Variants in KCNT2 observed in about 807,000 individuals in gnomAD.
KCNT2 encodes potassium channel subfamily T member 2.
In KCNT2, 67 loss-of-function variants were observed where a neutral mutation model predicts 153.8. The ratio of observed to expected loss-of-function variants is 0.44; its 90% CI spans 0.36 to 0.53. The LOEUF is 0.53. KCNT2 is among the 20% of genes least tolerant of loss of function. The pLI, the probability that KCNT2 is intolerant of heterozygous loss-of-function variation, is 0.00. For missense variants in KCNT2, 975 were observed against 1,354.8 expected (o/e 0.72, Z 4.40); for synonymous variants, 500 against 458.8 (o/e 1.09, Z -1.15).
At chr1:196,421,257 G>T (rs1326926582) in intron 12 of KCNT2, among the ~76,000 whole-genome samples, 1 of 151,944 alleles carries the variant, frequency 6.6e-6, no homozygotes, top group Admixed American at 6.6e-5. Context: ...AAAAAAAAGA[G>T]AATGCATTTG....
At chr1:196,417,077 A>G (rs1180057011) in intron 12 of KCNT2, among the ~76,000 whole-genome samples, 3 of 152,106 alleles carry the variant, frequency 2.0e-5, no homozygotes, top group Non-Finnish European at 1.5e-5. Flanking sequence ...ATACCCACAG[A>G]AATTTTTTTT....
chr1:196,587,197 G>T (rs1662792177), intron 1 of KCNT2, among the ~76,000 whole-genome samples: 1 of 151,936 alleles, frequency 6.6e-6, no homozygotes, highest in African/African-American at 2.4e-5. Flanking sequence ...GACTTCTAAA[G>T]ACTAAGAAGG....
intron 16 of KCNT2, among the ~76,000 whole-genome samples, chr1:196,336,364 T>G (rs1192665003): frequency 2.0e-5 from 3 of 152,148 alleles, no homozygotes; most frequent in African/African-American, 7.2e-5. Flanking sequence ...GCTCTTTCCC[T>G]CTTGATTTTC....
chr1:196,349,675 ATTTTATTTTTTTATTATTTTTTATTC>A (rs1666459376), intron 14 of KCNT2, among the ~76,000 whole-genome samples: 1 of 151,224 alleles, frequency 6.6e-6, no homozygotes, highest in Admixed American at 6.6e-5. Context: ...AAACCTTTTT[ATTTTATTTTTTTATTATTTTTTATTC>A]TTTTATTTTT....
intron 13 of KCNT2, among the ~76,000 whole-genome samples, chr1:196,374,142 T>A (rs372178852): frequency 1.3e-5 from 2 of 151,940 alleles, no homozygotes; most frequent in Non-Finnish European, 1.5e-5. Flanking sequence ...GTATAGCTGG[T>A]ATTAAAAATA....
chr1:196,420,759 T>C (rs1039201474), intron 12 of KCNT2, among the ~76,000 whole-genome samples: 7 of 152,036 alleles, frequency 4.6e-5, no homozygotes, highest in African/African-American at 1.7e-4. Context: ...GGGAAAATCA[T>C]ATCACGTTCA....
At chr1:196,281,242 T>C (rs1321813491) in intron 24 of KCNT2, among the ~76,000 whole-genome samples, 1 of 152,232 alleles carries the variant, frequency 6.6e-6, no homozygotes, top group Non-Finnish European at 1.5e-5. Flanking sequence ...CTTATCCATG[T>C]ATTAAATTTA....
intron 1 of KCNT2, among the ~76,000 whole-genome samples, chr1:196,591,614 G>A (rs1663374466): frequency 6.6e-6 from 1 of 152,152 alleles, no homozygotes; most frequent in Non-Finnish European, 1.5e-5. Context: ...TGCTCTCATA[G>A]TACAATCCTT....
At chr1:196,359,461 T>C (rs1667444966) in intron 14 of KCNT2, among the ~76,000 whole-genome samples, 1 of 152,038 alleles carries the variant, frequency 6.6e-6, no homozygotes, top group Non-Finnish European at 1.5e-5. Flanking sequence ...CATAAACTAC[T>C]TGGAACCAGG....
intron 21 of KCNT2, among the ~76,000 whole-genome samples, chr1:196,305,908 A>G (rs1279738833): frequency 6.6e-6 from 1 of 152,106 alleles, no homozygotes; most frequent in Non-Finnish European, 1.5e-5. Flanking sequence ...GTGTTCCCCA[A>G]AAGTATCCTG....
chr1:196,419,750 C>T (rs1190623211), intron 12 of KCNT2, among the ~76,000 whole-genome samples: 1 of 152,138 alleles, frequency 6.6e-6, no homozygotes, highest in East Asian at 2.0e-4. Context: ...CATCTGAAGA[C>T]ATTCCAATTT....
intron 27 of KCNT2, among the ~76,000 whole-genome samples, chr1:196,235,214 G>A (rs1654323243): frequency 6.6e-6 from 1 of 151,280 alleles, no homozygotes; most frequent in South Asian, 2.1e-4. Context: ...AACACTTTAT[G>A]CAATTCCTGC....
chr1:196,253,054 T>C (rs1328648863), intron 26 of KCNT2, among the ~76,000 whole-genome samples: 1 of 151,254 alleles, frequency 6.6e-6, no homozygotes, highest in Non-Finnish European at 1.5e-5. Flanking sequence ...TTTTTAAATA[T>C]TTATATTGCT....
chr1:196,236,629 C>G (rs1261560661), intron 26 of KCNT2, among the ~76,000 whole-genome samples: 1 of 151,544 alleles, frequency 6.6e-6, no homozygotes, highest in African/African-American at 2.4e-5. Context: ...TCCTCTAGAA[C>G]AGAATTTAAC....
At chr1:196,319,686 CT>C (rs937767875) in intron 19 of KCNT2, 131 bp from the exon 20 acceptor site, 52 of 484,876 alleles carry the variant, frequency 1.1e-4, no homozygotes, top group African/African-American at 4.4e-4. Flanking sequence ...ATTTTCAGTG[CT>C]TTTTTTTCTT....
chr1:196,254,262 G>T, intron 26 of KCNT2, among the ~76,000 whole-genome samples: 1 of 151,226 alleles, frequency 6.6e-6, no homozygotes, highest in East Asian at 1.9e-4. Flanking sequence ...GTTTTTGAGG[G>T]CCAACCCTGA....
Position 196,489,909 on chromosome 1 carries a change from A to G in KCNT2, c.204T>C (p.Ser68=), listed in dbSNP as rs755402132. The G allele has an allele frequency of 6.3e-7, 1 of 1,583,448 alleles. No homozygotes were observed. Among genetic ancestry groups the G allele is most frequent in the South Asian group, 1.2e-5 (1 of 86,284 alleles). ...ATAATAAGCAGCTTAGTAATTTGAG[A>G]GAAAAATTGAACAGGCGTATCCTTA... ...SSLRIRLFNF[S]LKLLSCLLYI... is the part of the protein sequence containing the mutation. The change falls in exon 3 of 28, where the codon TCT becomes TCC. Residue 68 remains serine (S), a synonymous_variant. Transcript: ENST00000294725.
intron 26 of KCNT2, 57 bp downstream of exon 26, chr1:196,258,137 A>G (rs1425733084): frequency 6.4e-7 from 1 of 1,559,058 alleles, no homozygotes; most frequent in African/African-American, 1.4e-5. Flanking sequence ...CAACTATATT[A>G]CTACTAATGG....
At chr1:196,438,057 A>G (rs1372286213) in intron 8 of KCNT2, among the ~76,000 whole-genome samples, 1 of 151,734 alleles carries the variant, frequency 6.6e-6, no homozygotes, top group African/African-American at 2.4e-5. Flanking sequence ...AAGCAAATAT[A>G]TTAATAATAA....
Sources: allele counts gnomAD v4.1 joint callset (sites outside exome capture counted in the v4.1 genomes callset), GRCh38; gene constraint gnomAD v4.1.1; transcripts MANE v1.5; gene names NCBI Gene and HGNC (gene_info 2026-07-23, HGNC 2026-07-21).